The following CPQ variants were observed in gnomAD, a reference collection of about 807,000 sequenced individuals.
CPQ encodes Ser-Met dipeptidase.
A neutral mutation model predicts 45.7 loss-of-function variants in CPQ; 37 were observed. The observed-to-expected ratio is 0.81, with a 90% CI of 0.62 to 1.07. The LOEUF (loss-of-function observed/expected upper bound fraction) is 1.07. CPQ is among the 50% of genes least tolerant of loss of function. The pLI, the probability that CPQ is intolerant of heterozygous loss-of-function variation, is 0.00. For missense variants in CPQ, 537 were observed against 572.9 expected, an observed-to-expected ratio of 0.94 and a Z score of 0.64; for synonymous variants, 186 against 205.8, an observed-to-expected ratio of 0.90 and a Z score of 0.82.
intron 1 of CPQ, among the ~76,000 whole-genome samples, chr8:96,776,677 G>C (rs1717107026): frequency 6.6e-6 from 1 of 152,086 alleles, no homozygotes; most frequent in South Asian, 2.1e-4. Context: ...TGTAGGTTTT[G>C]CTTGAGTTTG....
intron 6 of CPQ, among the ~76,000 whole-genome samples, chr8:97,039,987 G>C (rs939182904): frequency 1.3e-5 from 2 of 151,856 alleles, no homozygotes; most frequent in African/African-American, 4.8e-5. Context: ...TAGTCCTTTG[G>C]GTATATACCC....
At chr8:96,658,876 G>C (rs142073487) in intron 1 of CPQ, among the ~76,000 whole-genome samples, 1 of 152,172 alleles carries the variant, frequency 6.6e-6, no homozygotes, top group African/African-American at 2.4e-5. Flanking sequence ...TTCCAGAAAG[G>C]GATGCAGTCC....
chr8:96,883,171 C>A (rs577005519), intron 4 of CPQ, among the ~76,000 whole-genome samples: 35 of 152,272 alleles, frequency 2.3e-4, no homozygotes, highest in African/African-American at 8.2e-4. Flanking sequence ...TTTATCCATT[C>A]AGCAATTGAT....
At chr8:96,939,336 T>C (rs1258718299) in intron 4 of CPQ, among the ~76,000 whole-genome samples, 2 of 152,288 alleles carry the variant, frequency 1.3e-5, no homozygotes, top group African/African-American at 2.4e-5. Flanking sequence ...CAGGCAGTAA[T>C]GCTCACTTCC....
intron 2 of CPQ, among the ~76,000 whole-genome samples, chr8:96,798,120 C>T (rs893214424): frequency 6.6e-6 from 1 of 151,252 alleles, no homozygotes; most frequent in Non-Finnish European, 1.5e-5. Context: ...GTTTTGTATG[C>T]TTCTCTTTCC....
chr8:96,968,452 G>A (rs1354759077), intron 5 of CPQ, among the ~76,000 whole-genome samples: 1 of 152,190 alleles, frequency 6.6e-6, no homozygotes, highest in Non-Finnish European at 1.5e-5. Flanking sequence ...ATGAATTCTG[G>A]ATGAAAATTG....
chr8:97,003,043 G>A (rs946777634), intron 5 of CPQ, among the ~76,000 whole-genome samples: 3 of 152,018 alleles, frequency 2.0e-5, no homozygotes. Context: ...GTTTATCTTT[G>A]TTGGTTTAAA....
At chr8:97,043,979 A>C (rs537640234) in intron 6 of CPQ, among the ~76,000 whole-genome samples, 35 of 152,218 alleles carry the variant, frequency 2.3e-4, no homozygotes, top group African/African-American at 7.9e-4. Context: ...TGCTCTTCTC[A>C]AGGAGTATCT....
At chr8:96,923,538 G>A (rs1812835811) in intron 4 of CPQ, among the ~76,000 whole-genome samples, 1 of 151,954 alleles carries the variant, frequency 6.6e-6, no homozygotes, top group South Asian at 2.1e-4. Context: ...ATTGTCCCCA[G>A]TAACACACTC....
intron 1 of CPQ, among the ~76,000 whole-genome samples, chr8:96,755,058 T>G (rs1194628439): frequency 6.6e-6 from 1 of 152,026 alleles, no homozygotes; most frequent in East Asian, 1.9e-4. Context: ...TTTTTCTTTC[T>G]TTTCTAGCTA....
At chr8:96,702,093 A>G (rs1809469431) in intron 1 of CPQ, among the ~76,000 whole-genome samples, 1 of 152,164 alleles carries the variant, frequency 6.6e-6, no homozygotes, top group Non-Finnish European at 1.5e-5. Context: ...CTTTGTTGTC[A>G]TGGAAAGAGG....
chr8:96,925,665 G>C (rs1030750340), intron 4 of CPQ, among the ~76,000 whole-genome samples: 10 of 151,198 alleles, frequency 6.6e-5, no homozygotes, highest in Non-Finnish European at 1.2e-4. Context: ...TTACAGGCAT[G>C]AGCCACCGTG....
chr8:96,708,435 G>GTATA (rs1276047644), intron 1 of CPQ, among the ~76,000 whole-genome samples: 11 of 60,076 alleles, frequency 1.8e-4, no homozygotes, highest in South Asian at 8.8e-4. Context: ...GTGTGTGTGT[G>GTATA]TGTATATATA....
At chr8:96,898,757 C>G in intron 4 of CPQ, among the ~76,000 whole-genome samples, 1 of 133,474 alleles carries the variant, frequency 7.5e-6, no homozygotes, top group Admixed American at 8.2e-5. Flanking sequence ...GCACATGTAC[C>G]CTAAAACTTA....
chr8:96,948,360 T>C (rs531723101), intron 4 of CPQ, among the ~76,000 whole-genome samples: 10 of 152,262 alleles, frequency 6.6e-5, no homozygotes, highest in Admixed American at 1.3e-4. Context: ...TTTGTTTATA[T>C]TGAGGTATTT....
intron 1 of CPQ, among the ~76,000 whole-genome samples, chr8:96,757,377 TAATA>T (rs1810341653): frequency 6.8e-6 from 1 of 147,836 alleles, no homozygotes; most frequent in Non-Finnish European, 1.5e-5. Flanking sequence ...ATAATAATAA[TAATA>T]ATAATAATAA....
At chr8:96,811,541 T>C (rs1586410091) in intron 2 of CPQ, among the ~76,000 whole-genome samples, 1 of 152,150 alleles carries the variant, frequency 6.6e-6, no homozygotes, top group Admixed American at 6.5e-5. Flanking sequence ...CAGAAGAAAG[T>C]GTGAGAGATA....
intron 7 of CPQ, among the ~76,000 whole-genome samples, chr8:97,082,576 T>G (rs1056721513): frequency 6.6e-6 from 1 of 152,140 alleles, no homozygotes; most frequent in African/African-American, 2.4e-5. Context: ...AGAACTTCCC[T>G]GAAATTAAAA....
chr8:96,977,027 C>G (rs1400468035), intron 5 of CPQ, among the ~76,000 whole-genome samples: 2 of 152,062 alleles, frequency 1.3e-5, no homozygotes, highest in African/African-American at 4.8e-5. Context: ...AAAGCTTCTG[C>G]ACAACAAAAG....
Sources: allele counts gnomAD v4.1 joint callset (sites outside exome capture counted in the v4.1 genomes callset), GRCh38; gene constraint gnomAD v4.1.1; transcripts MANE v1.5; gene names NCBI Gene and HGNC (gene_info 2026-07-23, HGNC 2026-07-21).